Variants in TBC1D10C observed in about 807,000 individuals in gnomAD.
TBC1D10C encodes the protein carabin.
Under a neutral mutation model 51.0 loss-of-function variants are expected in TBC1D10C, and 49 were observed. The ratio of observed to expected loss-of-function variants is 0.96; its 90% confidence interval spans 0.76 to 1.22. The LOEUF (loss-of-function observed/expected upper bound fraction) is 1.22. TBC1D10C is among the 50% of genes most tolerant of loss of function. TBC1D10C has a pLI of 0.00. For synonymous variants in TBC1D10C, 281 were observed against 266.7 expected, an observed-to-expected ratio of 1.05 and a Z score of -0.52; for missense variants, 541 against 617.5, an observed-to-expected ratio of 0.88 and a Z score of 1.31.
chr11:67,406,699 G>C lies in TBC1D10C; in HGVS notation c.648+7G>C. 1 of 1,575,778 alleles carries C rather than the reference G, an allele frequency of 6.3e-7. No homozygotes were observed. ...GTACTACGGGCCCCACATGGTGAGA[G>C]GCTGACATGGGGGCTGGAGGAAGGA... On this transcript the variant is annotated splice_region_variant and intron_variant, in intron 6 of 8. Coordinates refer to ENST00000542590, the MANE Select transcript of TBC1D10C (RefSeq NM_001369496.1).
At chr11:67,409,321 C>T in intron 8 of TBC1D10C, 86 bp from the exon 9 acceptor site, 1 of 1,454,494 alleles carries the variant, frequency 6.9e-7, no homozygotes, top group South Asian at 1.3e-5. Flanking sequence ...CCCCTCAGTC[C>T]TCAGCCACTT....
At chr11:67,407,450 A>G in intron 7 of TBC1D10C, 1 of 177,672 alleles carries the variant, frequency 5.6e-6, no homozygotes, top group Non-Finnish European at 1.2e-5. Context: ...GATTGTCAGA[A>G]GTGTCATGAA....
In TBC1D10C at chr11:67,404,241, C is replaced by T. The variant is rs759509921; in HGVS notation, c.39C>T (p.Pro13=). ...QALGEDLVQP[P]ELQDDSSSLG... ...TGGGGGAGGACCTGGTGCAGCCTCC[C>T]GAGCTGCAGGATGACTCCAGCTCCT... Residue 13 remains proline (P), a synonymous_variant, in exon 1 of 9, where the codon CCC becomes CCT. Transcript: ENST00000542590. The T allele has an allele frequency of 1.9e-5, 30 of 1,585,426 alleles. No homozygotes were observed. Among genetic ancestry groups the T allele is most frequent in the East Asian group, 9.3e-5 (4 of 43,082 alleles).
rs749429841 is a variant in TBC1D10C at position 67,405,669 on chromosome 11, G to A, written c.435G>A (p.Leu145=). The change falls in exon 4 of 9, where the codon CTG becomes CTA. Residue 145 remains leucine, a synonymous_variant. Transcript: ENST00000542590. The part of the protein sequence containing the change: ...IGRDLHRQFP[L]HEMFVSPQGH... ...GGGACCTGCACCGTCAATTCCCTCT[G>A]CACGAGATGTTTGTGTCGCCTCAGG... is the stretch of plus-strand genomic sequence containing the variant. The A allele has an allele frequency of 6.2e-7, 1 of 1,613,820 alleles. No homozygotes were observed. The highest frequency in any genetic ancestry group is 2.2e-5 in the East Asian group (1 of 44,894).
At chr11:67,406,039 C>T (rs745988592) in intron 5 of TBC1D10C, 22 bp downstream of exon 5, 37 of 1,526,742 alleles carry the variant, frequency 2.4e-5, no homozygotes, top group Non-Finnish European at 3.2e-5. Flanking sequence ...TGACCCTGCT[C>T]TGGGAACCCT....
rs778393185 is a variant in TBC1D10C at position 67,406,844 on chromosome 11, C to T, written c.666C>T (p.Asp222=). Reference sequence around the variant, plus strand: ...GGCCACAGGAGGCTGTGCGGCTGGACGCCGAGGTGTTCATGGCCCTGCTGC... The same window carrying T: ...GGCCACAGGAGGCTGTGCGGCTGGATGCCGAGGTGTTCATGGCCCTGCTGC... ...YGPHMEAVRL[D]AEVFMALLRR... The change falls in exon 7 of 9, where the codon GAC becomes GAT. Residue 222 remains aspartate (D), a synonymous_variant. Coordinates refer to ENST00000542590, the MANE Select transcript of TBC1D10C (RefSeq NM_001369496.1). 1.4e-5 allele frequency: 23 copies of T among 1,608,544 alleles called. No homozygotes were observed. Among genetic ancestry groups the T allele is most frequent in the Admixed American group, 3.3e-5 (2 of 59,846 alleles).
chr11:67,404,257 T>C lies in TBC1D10C; in HGVS notation c.55T>C (p.Ser19Pro). 6.2e-7 allele frequency: 1 copy of C among 1,602,158 alleles called. No homozygotes were observed. The change falls in exon 1 of 9, where the codon TCC becomes CCC. Residue 19 changes from serine (S) to proline (P), a missense_variant. Transcript: ENST00000542590. ...LVQPPELQDD[S>P]SSLGSDSELS... is the part of the protein sequence containing the mutation. The stretch of plus-strand genomic sequence containing the variant: ...GCAGCCTCCCGAGCTGCAGGATGAC[T>C]CCAGCTCCTTGGGGTCCGACTCAGA...
At chr11:67,408,922 T>C in intron 7 of TBC1D10C, 57 bp from the exon 8 acceptor site, 1 of 1,509,084 alleles carries the variant, frequency 6.6e-7, no homozygotes, top group Non-Finnish European at 8.8e-7. Context: ...CAGGTTTGGG[T>C]GCAGAACTGT....
chr11:67,405,266 CCT>C, intron 2 of TBC1D10C, 82 bp downstream of exon 2: 1 of 1,504,920 alleles, frequency 6.6e-7, no homozygotes, highest in Non-Finnish European at 9.0e-7. Context: ...ATGTACCCAC[CCT>C]GTGTCCCAGC....
In TBC1D10C at chr11:67,405,516, TG is replaced by T. The variant is rs1343245320; in HGVS notation, c.360+13del. On this transcript the variant is annotated intron_variant, in intron 3 of 8. Coordinates refer to ENST00000542590, the MANE Select transcript of TBC1D10C (RefSeq NM_001369496.1). ...CCCTGGCACCTATCAGGTGAGGGAG[TG>T]GGCAGGGGCCCCAATTCCCCTACCC... 1.9e-6 allele frequency: 3 copies of T among 1,610,276 alleles called. No individual in the cohort carries two copies. Among genetic ancestry groups the T allele is most frequent in the Admixed American group, 1.7e-5 (1 of 59,764 alleles).
At chr11:67,404,775 C>A (rs1863072934) in intron 1 of TBC1D10C, among the ~76,000 whole-genome samples, 1 of 152,172 alleles carries the variant, frequency 6.6e-6, no homozygotes, top group South Asian at 2.1e-4. Flanking sequence ...GGCTTCCAGT[C>A]CAGGGCTCTC....
At chr11:67,405,793 C>T (rs1452887275) in intron 4 of TBC1D10C, 92 bp downstream of exon 4, 19 of 1,556,004 alleles carry the variant, frequency 1.2e-5, no homozygotes, top group Non-Finnish European at 1.6e-5. Flanking sequence ...AGTCTTGCAT[C>T]TCAGGGGACC....
In TBC1D10C at chr11:67,408,967, C is replaced by T. The variant is rs1863315516; in HGVS notation, c.839-12C>T. The T allele has an allele frequency of 2.0e-6, 3 of 1,537,788 alleles. No homozygotes were observed. Among genetic ancestry groups the T allele is most frequent in the African/African-American group, 1.4e-5 (1 of 72,104 alleles). On this transcript the variant is annotated splice_polypyrimidine_tract_variant and intron_variant, in intron 7 of 8. Coordinates refer to ENST00000542590, the MANE Select transcript of TBC1D10C (RefSeq NM_001369496.1). ...GGGCCGGCCTCCCAGTGAATAAGCC[C>T]CCGGCCTGCAGGTGCCAGAGTACTG...
Position 67,405,599 on chromosome 11 carries a change from T to A in TBC1D10C, c.365T>A (p.Leu122Gln). ...QKNSPGTYQE[L>Q]AEAPGDPQWM... ...CACCTTCCTGGCTACCCACAGGAGC[T>A]GGCAGAGGCCCCTGGAGACCCACAG... Residue 122 changes from leucine to glutamine, a missense_variant, in exon 4 of 9, where the codon CTG becomes CAG. By Grantham distance (113) the Leu-to-Gln change is moderately radical. Transcript: ENST00000542590. The A allele has an allele frequency of 6.2e-7, 1 of 1,613,976 alleles. No individual in the cohort carries two copies. The highest frequency in any genetic ancestry group is 8.5e-7 in the Non-Finnish European group (1 of 1,179,988).
chr11:67,407,203 G>A, intron 7 of TBC1D10C, 187 bp downstream of exon 7: 4 of 705,302 alleles, frequency 5.7e-6, no homozygotes, highest in Non-Finnish European at 9.1e-6. Flanking sequence ...GCAGAGCTGG[G>A]CCAGGGAGGC....
intron 1 of TBC1D10C, 53 bp downstream of exon 1, chr11:67,404,407 T>C: frequency 6.7e-7 from 1 of 1,484,416 alleles, no homozygotes; most frequent in Non-Finnish European, 9.0e-7. Flanking sequence ...GACAGGGGGC[T>C]GAGGGCTGAA....
At chr11:67,408,721 G>A (rs1811349432) in intron 7 of TBC1D10C, 1 of 431,568 alleles carries the variant, frequency 2.3e-6, no homozygotes, top group Admixed American at 4.5e-5. Flanking sequence ...ATTTTGGCGG[G>A]GGTGGGGATG....
At chr11:67,406,718 GGAA>G in intron 6 of TBC1D10C, 26 bp downstream of exon 6, 1 of 1,578,078 alleles carries the variant, frequency 6.3e-7, no homozygotes, top group South Asian at 1.1e-5. Flanking sequence ...GGGGGCTGGA[GGAA>G]GGAGGGGCAG....
chr11:67,408,441 C>G (rs967532232), intron 7 of TBC1D10C: 1 of 152,632 alleles, frequency 6.6e-6, no homozygotes, highest in Non-Finnish European at 1.5e-5. Flanking sequence ...GGGGTGTGGA[C>G]AGGGAGCTAG....
Sources: allele counts gnomAD v4.1 joint callset (sites outside exome capture counted in the v4.1 genomes callset), GRCh38; gene constraint gnomAD v4.1.1; transcripts MANE v1.5; gene names NCBI Gene and HGNC (gene_info 2026-07-23, HGNC 2026-07-21).